Variants in RBFOX1 observed in about 807,000 individuals in gnomAD.
The protein encoded by RBFOX1 is RNA binding protein fox-1 homolog 1.
A neutral mutation model predicts 57.7 loss-of-function variants in RBFOX1; 8 were observed. The ratio of observed to expected loss-of-function variants is 0.14; its 90% CI spans 0.08 to 0.25. The LOEUF (loss-of-function observed/expected upper bound fraction) is 0.25, where lower values mean the gene tolerates loss of function less well. RBFOX1 is among the 10% of genes least tolerant of loss of function. The pLI is 1.00. For missense variants in RBFOX1, 611 were observed against 548.5 expected, an observed-to-expected ratio of 1.11 and a Z score of -1.14; for synonymous variants, 326 against 222.4, an observed-to-expected ratio of 1.47 and a Z score of -4.15.
At chr16:5,259,165 A>ATATT (rs2062665207) in intron 1 of RBFOX1, among the ~76,000 whole-genome samples, 1 of 151,520 alleles carries the variant, frequency 6.6e-6, no homozygotes, top group African/African-American at 2.4e-5. Flanking sequence ...ACAGTAATGA[A>ATATT]TATTTATAGG....
At chr16:6,480,520 A>T (rs550807053) in intron 2 of RBFOX1, among the ~76,000 whole-genome samples, 11 of 152,336 alleles carry the variant, frequency 7.2e-5, no homozygotes, top group Admixed American at 7.2e-4. Flanking sequence ...ACTTTTAAAA[A>T]CTATTTAAAG....
chr16:6,308,601 G>T (rs1013966128), intron 1 of RBFOX1, among the ~76,000 whole-genome samples: 1 of 152,184 alleles, frequency 6.6e-6, no homozygotes, highest in Non-Finnish European at 1.5e-5. Flanking sequence ...CAAAATGTAT[G>T]TTGTAAGTAA....
chr16:6,965,506 T>C (rs2083939882), intron 3 of RBFOX1, among the ~76,000 whole-genome samples: 1 of 152,064 alleles, frequency 6.6e-6, no homozygotes, highest in South Asian at 2.1e-4. Context: ...CTGGCTAATT[T>C]TTGTATTTTT....
chr16:6,907,642 C>G (rs1335123675), intron 3 of RBFOX1, among the ~76,000 whole-genome samples: 1 of 152,198 alleles, frequency 6.6e-6, no homozygotes, highest in Non-Finnish European at 1.5e-5. Context: ...ACGATCTTGG[C>G]TCACTGCAGC....
At chr16:6,709,448 G>A (rs2063347310) in intron 3 of RBFOX1, among the ~76,000 whole-genome samples, 1 of 152,224 alleles carries the variant, frequency 6.6e-6, no homozygotes, top group African/African-American at 2.4e-5. Context: ...TAAGTTTCAT[G>A]AGTTCTTCAT....
In RBFOX1 at chr16:6,283,706, C is replaced by T. The variant is rs2076623651; in HGVS notation, c.-126-33289C>T. Among the ~76,000 whole-genome samples, 4 of 152,150 alleles carry T rather than the reference C, an allele frequency of 2.6e-5. No homozygotes were observed. In the South Asian group the frequency reaches 8.3e-4, roughly 31 times the overall value. ...TTCACGTTGGCACCCAGAGATCCTT[C>T]CAGAAGGAATATGCACATACCCGCA... On this transcript the variant is annotated intron_variant, in intron 1 of 15. Coordinates refer to ENST00000550418, the MANE Select transcript of RBFOX1 (RefSeq NM_018723.4).
At chr16:6,293,731 G>A (rs1239860056) in intron 1 of RBFOX1, among the ~76,000 whole-genome samples, 1 of 139,582 alleles carries the variant, frequency 7.2e-6, no homozygotes, top group Non-Finnish European at 1.6e-5. Context: ...CTGAGAAAAG[G>A]TACTTGATCT....
chr16:5,834,907 C>A (rs1325454038), intron 3 of RBFOX1, among the ~76,000 whole-genome samples: 1 of 152,186 alleles, frequency 6.6e-6, no homozygotes, highest in African/African-American at 2.4e-5. Flanking sequence ...ACTTTCAGAT[C>A]TCTGAGAAAC....
At chr16:7,679,940 TG>T (rs2146632275) in intron 14 of RBFOX1, among the ~76,000 whole-genome samples, 1 of 152,308 alleles carries the variant, frequency 6.6e-6, no homozygotes, top group East Asian at 1.9e-4. Flanking sequence ...AGGAAACATT[TG>T]GCAAAGCACT....
intron 1 of RBFOX1, among the ~76,000 whole-genome samples, chr16:5,465,812 A>G (rs2068934913): frequency 6.6e-6 from 1 of 152,238 alleles, no homozygotes. Context: ...AGACTCAGCA[A>G]GTGGAGTCCC....
chr16:6,527,366 C>T (rs992225572), intron 2 of RBFOX1, among the ~76,000 whole-genome samples: 2 of 151,966 alleles, frequency 1.3e-5, no homozygotes, highest in South Asian at 2.1e-4. Context: ...CTTCCTTCCT[C>T]CCCCAACAAA....
rs1358820830 is a variant in RBFOX1 at position 6,280,105 on chromosome 16, G to GA, written c.-126-36889dup. On this transcript the variant is annotated intron_variant, in intron 1 of 15. Coordinates refer to ENST00000550418, the MANE Select transcript of RBFOX1 (RefSeq NM_018723.4). Reference sequence around the variant, plus strand: ...TACATTTTGGGGGTCGGGAAAGGGGGATACCCTGAATCTTGCAATGGAACT... The same window carrying GA: ...TACATTTTGGGGGTCGGGAAAGGGGGAATACCCTGAATCTTGCAATGGAACT... Among the ~76,000 whole-genome samples the GA allele has an allele frequency of 2.0e-5, 3 of 152,010 alleles. No homozygotes were observed. The East Asian group carries it at 5.8e-4, about 29-fold the overall frequency.
At chr16:5,737,062 G>A (rs1350614799) in intron 3 of RBFOX1, among the ~76,000 whole-genome samples, 2 of 152,030 alleles carry the variant, frequency 1.3e-5, no homozygotes, top group African/African-American at 4.8e-5. Context: ...TGAGTGAGGG[G>A]TACTGAGAGT....
chr16:6,301,402 A>G (rs1284149288), intron 1 of RBFOX1, among the ~76,000 whole-genome samples: 2 of 152,196 alleles, frequency 1.3e-5, no homozygotes. Context: ...TTTCTTATTA[A>G]GCGATGCAGG....
intron 3 of RBFOX1, among the ~76,000 whole-genome samples, chr16:6,877,474 T>C (rs1011209529): frequency 1.3e-5 from 2 of 152,134 alleles, no homozygotes; most frequent in African/African-American, 2.4e-5. Flanking sequence ...CTGCTTGATA[T>C]CAGACCATAA....
upstream of RBFOX1, among the ~76,000 whole-genome samples, chr16:6,015,678 T>C (rs1164355291): frequency 6.6e-6 from 1 of 152,202 alleles, no homozygotes; most frequent in East Asian, 1.9e-4. Context: ...TAAGCTGTAT[T>C]CTCCTTCGGG....
At chr16:6,550,376 C>T (rs2096967744) in intron 2 of RBFOX1, among the ~76,000 whole-genome samples, 1 of 152,182 alleles carries the variant, frequency 6.6e-6, no homozygotes, top group Non-Finnish European at 1.5e-5. Flanking sequence ...AAGCCTTCAC[C>T]ATGTTGACCA....
At chr16:6,861,328 A>T (rs150558823) in intron 3 of RBFOX1, among the ~76,000 whole-genome samples, 2 of 152,204 alleles carry the variant, frequency 1.3e-5, no homozygotes, top group Non-Finnish European at 2.9e-5. Context: ...TCTTGGTAAG[A>T]TTGTTAAGGG....
At chr16:7,015,435 C>G (rs1418626935) in intron 3 of RBFOX1, among the ~76,000 whole-genome samples, 9 of 152,136 alleles carry the variant, frequency 5.9e-5, no homozygotes, top group African/African-American at 2.2e-4. Context: ...TCTGAATCTT[C>G]TGGAGTATAA....
Sources: allele counts gnomAD v4.1 joint callset (sites outside exome capture counted in the v4.1 genomes callset), GRCh38; gene constraint gnomAD v4.1.1; transcripts MANE v1.5; gene names NCBI Gene and HGNC (gene_info 2026-07-23, HGNC 2026-07-21).